ABCA12: variants seen among roughly 807,000 people sequenced by gnomAD.
ABCA12 encodes the protein glucosylceramide transporter ABCA12.
In ABCA12, 156 loss-of-function variants were observed where a neutral mutation model predicts 293.5. The observed-to-expected ratio is 0.53, with a 90% CI of 0.47 to 0.61. The LOEUF is 0.61. Ranked by LOEUF, ABCA12 falls within the 20% of genes least tolerant of loss-of-function variation. The probability of loss-of-function intolerance (pLI) is 0.00; values close to 1 mark genes in which losing one functional copy is unlikely to be tolerated. For missense variants in ABCA12, 2,797 were observed against 3,090.2 expected (o/e 0.91, Z 2.25); for synonymous variants, 1,063 against 1,108.0 (o/e 0.96, Z 0.81).
At chr2:215,089,138 A>G (rs1394734524) in intron 2 of ABCA12, among the ~76,000 whole-genome samples, 1 of 152,086 alleles carries the variant, frequency 6.6e-6, no homozygotes, top group African/African-American at 2.4e-5. Flanking sequence ...CAATAACTAA[A>G]GTAGATTAAC....
At chr2:215,001,876 T>C (rs1040806010) in intron 20 of ABCA12, 139 bp from the exon 21 acceptor site, 1 of 742,838 alleles carries the variant, frequency 1.3e-6, no homozygotes, top group Non-Finnish European at 2.1e-6. Context: ...TAAAAATATC[T>C]AGTATTCTAC....
chr2:215,052,358 G>T (rs546757878), intron 5 of ABCA12, 129 bp downstream of exon 5: 43 of 737,354 alleles, frequency 5.8e-5, no homozygotes, highest in Non-Finnish European at 1.0e-4. Flanking sequence ...CCTAAGAAAA[G>T]AAGTTGCCTG....
chr2:214,976,659 T>G (rs1455533097), intron 33 of ABCA12, among the ~76,000 whole-genome samples: 4 of 152,140 alleles, frequency 2.6e-5, no homozygotes, highest in Admixed American at 2.0e-4. Context: ...TTGGAATGAT[T>G]ATATGGCCTT....
chr2:215,109,441 T>C (rs1702526738), intron 2 of ABCA12, among the ~76,000 whole-genome samples: 1 of 152,230 alleles, frequency 6.6e-6, no homozygotes, highest in South Asian at 2.1e-4. Context: ...AACTATTTTT[T>C]AGACTGAGTC....
chr2:214,983,921 A>G (rs1208454757), intron 28 of ABCA12, 56 bp from the exon 29 acceptor site: 8 of 1,467,442 alleles, frequency 5.5e-6, no homozygotes, highest in Non-Finnish European at 7.6e-6. Context: ...GCTAGATATT[A>G]GGAATAACTA....
intron 2 of ABCA12, among the ~76,000 whole-genome samples, chr2:215,103,145 A>G (rs1336771171): frequency 2.0e-5 from 3 of 151,766 alleles, no homozygotes; most frequent in Non-Finnish European, 4.4e-5. Context: ...TATAGGCTTG[A>G]TTGCTGTGAG....
chr2:215,116,714 C>A (rs1702693948), intron 1 of ABCA12, among the ~76,000 whole-genome samples: 1 of 152,004 alleles, frequency 6.6e-6, no homozygotes, highest in Admixed American at 6.6e-5. Context: ...TAAAATGGGA[C>A]AAAATGTCAT....
intron 4 of ABCA12, 32 bp from the exon 5 acceptor site, chr2:215,052,616 C>A: frequency 8.4e-7 from 1 of 1,196,462 alleles, no homozygotes; most frequent in Non-Finnish European, 1.2e-6. Context: ...ATTAGCATTC[C>A]ACACACACAC....
At chr2:214,985,417 G>C (rs549775503) in intron 28 of ABCA12, among the ~76,000 whole-genome samples, 31 of 152,242 alleles carry the variant, frequency 2.0e-4, no homozygotes, top group African/African-American at 7.2e-4. Context: ...GTGGAGGGTG[G>C]GAGGAAGGAG....
chr2:215,064,370 CACT>C (rs1701597867), intron 2 of ABCA12, 151 bp from the exon 3 acceptor site: 6 of 765,168 alleles, frequency 7.8e-6, no homozygotes, highest in East Asian at 5.3e-5. Context: ...TAACACTCAC[CACT>C]GAGTAGGAGC....
At chr2:215,011,684 T>C (rs775344256) in intron 16 of ABCA12, 35 bp from the exon 17 acceptor site, 2 of 1,594,674 alleles carry the variant, frequency 1.3e-6, no homozygotes, top group Non-Finnish European at 1.7e-6. Flanking sequence ...ATTGACACTA[T>C]ATGAGCTTTA....
chr2:215,001,167 T>C, intron 21 of ABCA12, 147 bp from the exon 22 acceptor site: 1 of 816,408 alleles, frequency 1.2e-6, no homozygotes, highest in South Asian at 1.8e-5. Flanking sequence ...ACAGAAAACA[T>C]GGTTAATTGG....
At chr2:215,091,947 C>G (rs1702156591) in intron 2 of ABCA12, among the ~76,000 whole-genome samples, 2 of 152,170 alleles carry the variant, frequency 1.3e-5, no homozygotes, top group African/African-American at 4.8e-5. Flanking sequence ...TGTGAGGGAC[C>G]CCACTGGAAA....
chr2:215,017,924 T>C, intron 14 of ABCA12, 84 bp downstream of exon 14: 3 of 1,588,760 alleles, frequency 1.9e-6, no homozygotes, highest in Non-Finnish European at 2.6e-6. Context: ...CTTCTCAGTG[T>C]TTAACTGGTA....
chr2:214,980,673 A>G, intron 30 of ABCA12, 30 bp from the exon 31 acceptor site: 1 of 1,613,852 alleles, frequency 6.2e-7, no homozygotes, highest in Non-Finnish European at 8.5e-7. Flanking sequence ...ACAACAGGGA[A>G]TGAAACGTGA....
chr2:214,972,558 C>A (rs994819419), intron 36 of ABCA12, among the ~76,000 whole-genome samples: 1 of 152,004 alleles, frequency 6.6e-6, no homozygotes, highest in Non-Finnish European at 1.5e-5. Context: ...CACGTGCACA[C>A]CACTACACCC....
chr2:215,012,750 ATTGAG>A (rs1330815671), intron 15 of ABCA12, among the ~76,000 whole-genome samples: 2 of 152,336 alleles, frequency 1.3e-5, no homozygotes, highest in East Asian at 3.9e-4. Context: ...TAAAAAAATC[ATTGAG>A]TTAATCACGA....
intron 8 of ABCA12, chr2:215,032,388 C>T (rs1409087237): frequency 1.0e-5 from 2 of 191,726 alleles, no homozygotes; most frequent in East Asian, 1.3e-4. Flanking sequence ...CCACTAATCT[C>T]AATTGAATGC....
intron 2 of ABCA12, among the ~76,000 whole-genome samples, chr2:215,066,717 A>T (rs1395270145): frequency 6.6e-6 from 1 of 152,132 alleles, no homozygotes; most frequent in Non-Finnish European, 1.5e-5. Context: ...AACATGTTAC[A>T]TGGGATCGTG....
Sources: gnomAD v4.1 joint callset for allele counts (sites outside exome capture counted in the v4.1 genomes callset) on GRCh38, gnomAD v4.1.1 for gene constraint, MANE v1.5 for transcripts, NCBI Gene and HGNC (gene_info 2026-07-23, HGNC 2026-07-21) for gene names.